Variants in PKHD1 observed in about 807,000 individuals in gnomAD.
The protein encoded by PKHD1 is PKHD1 ciliary IPT domain containing fibrocystin/polyductin, also known as fibrocystin.
A neutral mutation model predicts 412.0 loss-of-function variants in PKHD1; 291 were observed. The observed-to-expected ratio is 0.71, with a 90% CI of 0.64 to 0.78. PKHD1 has a LOEUF of 0.78. Among genes scored for constraint, PKHD1 ranks in the 30% least tolerant of loss-of-function variants. PKHD1 has a pLI of 0.00. For synonymous variants in PKHD1, 1,777 were observed against 1,821.5 expected (o/e 0.98, Z 0.62); for missense variants, 4,825 against 4,950.7 (o/e 0.97, Z 0.76).
rs753427266 is a variant in PKHD1, at chr6:51,942,613, T to G, written c.5909-8291A>C. Among the ~76,000 whole-genome samples the G allele has an allele frequency of 2.6e-5, 4 of 151,356 alleles. 1 individual carries two copies. Among genetic ancestry groups the G allele is most frequent in the Non-Finnish European group, 5.9e-5 (4 of 67,698 alleles). ...TACCACACCTGACCCCCATGACTTA[T>G]CTCTCTGATCCACCTGACATTCACC... On this transcript the variant is annotated intron_variant, in intron 36 of 66. Coordinates refer to ENST00000371117, the MANE Select transcript of PKHD1 (RefSeq NM_138694.4).
intron 50 of PKHD1, among the ~76,000 whole-genome samples, chr6:51,840,858 C>A (rs1770060132): frequency 1.3e-5 from 2 of 152,050 alleles, no homozygotes; most frequent in Admixed American, 1.3e-4. Flanking sequence ...ATGTTAAATG[C>A]ACAATGGTTA....
intron 60 of PKHD1, among the ~76,000 whole-genome samples, chr6:51,714,146 C>T (rs190356326): frequency 3.1e-4 from 47 of 152,020 alleles, no homozygotes; most frequent in Non-Finnish European, 3.8e-4. Context: ...CCGAGGTGGG[C>T]GAATCACGAG....
intron 55 of PKHD1, among the ~76,000 whole-genome samples, chr6:51,756,769 T>C (rs1365534558): frequency 2.0e-5 from 3 of 152,148 alleles, no homozygotes; most frequent in Non-Finnish European, 4.4e-5. Flanking sequence ...TAGTATATTG[T>C]AGTTAGGGAA....
chr6:51,760,145 G>T (rs777804730), intron 55 of PKHD1, among the ~76,000 whole-genome samples: 1 of 152,084 alleles, frequency 6.6e-6, no homozygotes, highest in South Asian at 2.1e-4. Context: ...TTTGAGGAAT[G>T]AGCAAAATAA....
intron 60 of PKHD1, among the ~76,000 whole-genome samples, chr6:51,669,137 G>T (rs1774420364): frequency 1.3e-5 from 2 of 152,094 alleles, no homozygotes; most frequent in African/African-American, 2.4e-5. Context: ...GTTCCTCCTT[G>T]TACCTCTGGT....
Position 52,025,239 on chromosome 6 carries a change from A to C in PKHD1, c.4571T>G (p.Leu1524Arg), listed in dbSNP as rs752784622. 5.6e-6 allele frequency: 9 copies of C among 1,614,040 alleles called. No individual in the cohort carries two copies. Among genetic ancestry groups the C allele is most frequent in the South Asian group, 5.5e-5 (5 of 91,086 alleles). The change falls in exon 32 of 67, where the codon CTT (leucine) becomes CGT (arginine). Residue 1524 changes from leucine (L) to arginine (R), a missense_variant. Transcript: ENST00000371117. Reference sequence around the variant, plus strand: ...ATTAAAAAAAGTTACATTGCAAGGAAGTTGATCATCCACAAATACCATCGG... The same window carrying C: ...ATTAAAAAAAGTTACATTGCAAGGACGTTGATCATCCACAAATACCATCGG... ...DEPMVFVDDQ[L>R]PCNVTFFNAS... is the part of the protein sequence containing the mutation.
intron 35 of PKHD1, among the ~76,000 whole-genome samples, chr6:51,998,056 C>T (rs62406007): frequency 0.052 from 7,927 of 152,258 alleles, 283 homozygotes; most frequent in East Asian, 0.11. Flanking sequence ...CTAGATTGCA[C>T]GTGGCGATAA....
chr6:52,043,732 T>A lies in PKHD1; in HGVS notation c.2716-2A>T. ...TACATCATTCACTCGCACAACCACCTGAAATGAGGCAAAATTTCTTTTCCA... is the reference window on the plus strand; with the variant it reads ...TACATCATTCACTCGCACAACCACCAGAAATGAGGCAAAATTTCTTTTCCA... On this transcript the variant is annotated splice_acceptor_variant, in intron 25 of 66. Coordinates refer to ENST00000371117, the MANE Select transcript of PKHD1 (RefSeq NM_138694.4). LOFTEE classifies it high-confidence loss of function. 1 of 1,610,872 alleles carries A rather than the reference T, an allele frequency of 6.2e-7. No individual in the cohort carries two copies. Among genetic ancestry groups the A allele is most frequent in the Non-Finnish European group, 8.5e-7 (1 of 1,177,108 alleles).
chr6:52,048,392 T>C, intron 23 of PKHD1, 100 bp downstream of exon 23: 1 of 1,144,012 alleles, frequency 8.7e-7, no homozygotes, highest in Non-Finnish European at 1.3e-6. Flanking sequence ...ATAGCTTTAA[T>C]ATTATCACCT....
chr6:51,649,328 G>C, intron 61 of PKHD1, 108 bp from the exon 62 acceptor site: 1 of 839,354 alleles, frequency 1.2e-6, no homozygotes, highest in Non-Finnish European at 2.0e-6. Context: ...GCATTTGCCT[G>C]TGTTTCTAGA....
intron 21 of PKHD1, among the ~76,000 whole-genome samples, chr6:52,051,017 T>C (rs1806758579): frequency 6.6e-6 from 1 of 152,222 alleles, no homozygotes; most frequent in African/African-American, 2.4e-5. Flanking sequence ...ATGGAGACTT[T>C]AAAGAGTTTA....
intron 40 of PKHD1, among the ~76,000 whole-genome samples, chr6:51,908,637 C>A (rs1782501403): frequency 6.6e-6 from 1 of 152,122 alleles, no homozygotes; most frequent in Non-Finnish European, 1.5e-5. Context: ...TGGTCATATT[C>A]TGTTTTTCTG....
In PKHD1 at chr6:51,714,638, C is replaced by T. The variant is rs1481637779; in HGVS notation, c.10156+29747G>A. ...ATTCAGTTCCTCGATCTCATTAGTC[C>T]TATTTCACATGCTCAATACCTACCT... On this transcript the variant is annotated intron_variant, in intron 60 of 66. Coordinates refer to ENST00000371117, the MANE Select transcript of PKHD1 (RefSeq NM_138694.4). Among the ~76,000 whole-genome samples, 6 of 152,132 alleles carry T rather than the reference C, an allele frequency of 3.9e-5. No individual in the cohort carries two copies. In the East Asian group the frequency reaches 9.6e-4, roughly 24 times the overall value.
At chr6:51,784,466 T>G (rs1308324575) in intron 53 of PKHD1, among the ~76,000 whole-genome samples, 2 of 152,192 alleles carry the variant, frequency 1.3e-5, no homozygotes, top group African/African-American at 2.4e-5. Context: ...ATTTGCAACA[T>G]CACAGTTATG....
intron 55 of PKHD1, among the ~76,000 whole-genome samples, chr6:51,761,956 C>G (rs914724573): frequency 6.6e-6 from 1 of 152,006 alleles, no homozygotes; most frequent in African/African-American, 2.4e-5. Context: ...TAAGAGTGAT[C>G]TTTGACTCTT....
chr6:51,950,302 A>G (rs1266915), intron 36 of PKHD1, among the ~76,000 whole-genome samples: 154 of 150,978 alleles, frequency 1.0e-3, no homozygotes, highest in African/African-American at 3.7e-3. Flanking sequence ...ATTTTCATCA[A>G]CTCAGATTTC....
At chr6:51,794,108 C>A (rs1794201805) in intron 52 of PKHD1, among the ~76,000 whole-genome samples, 1 of 148,092 alleles carries the variant, frequency 6.8e-6, no homozygotes, top group Admixed American at 6.8e-5. Context: ...GTGATCTCGG[C>A]TCACTGCAAG....
chr6:52,037,677 G>T (rs188474718), intron 27 of PKHD1, among the ~76,000 whole-genome samples: 331 of 152,298 alleles, frequency 2.2e-3, no homozygotes, highest in Non-Finnish European at 3.4e-3. Context: ...CAAAAGGGTT[G>T]GGAACACACC....
chr6:51,865,762 A>G (rs1284051141), intron 48 of PKHD1, among the ~76,000 whole-genome samples: 3 of 152,242 alleles, frequency 2.0e-5, no homozygotes, highest in African/African-American at 7.2e-5. Flanking sequence ...CAGGGCAAAT[A>G]GCACAACAAA....
Sources: allele counts gnomAD v4.1 joint callset (sites outside exome capture counted in the v4.1 genomes callset), GRCh38; gene constraint gnomAD v4.1.1; transcripts MANE v1.5; gene names NCBI Gene and HGNC (gene_info 2026-07-23, HGNC 2026-07-21).